The following UBE2E2 variants were observed in gnomAD, a reference collection of about 807,000 sequenced individuals.
The protein encoded by UBE2E2 is ubiquitin conjugating enzyme E2 E2.
A neutral mutation model predicts 24.7 loss-of-function variants in UBE2E2; 6 were observed. The ratio of observed to expected loss-of-function variants is 0.24; its 90% confidence interval spans 0.13 to 0.48. The LOEUF is 0.48. Among genes scored for constraint, UBE2E2 ranks in the 20% least tolerant of loss-of-function variants. UBE2E2 has a pLI of 0.99. For synonymous variants in UBE2E2, 104 were observed against 83.6 expected, an observed-to-expected ratio of 1.24 and a Z score of -1.33; for missense variants, 169 against 245.0, an observed-to-expected ratio of 0.69 and a Z score of 2.07.
rs113882182 is a variant in UBE2E2 at position 23,355,371 on chromosome 3, A to G, written c.227+138059A>G. On this transcript the variant is annotated intron_variant, in intron 3 of 5. Coordinates refer to ENST00000396703, the MANE Select transcript of UBE2E2 (RefSeq NM_152653.4). ...GCACATGTACCCTAAAACTTAAAGT[A>G]TAATAATAATGAAAGACAAAAAAGA... is the stretch of plus-strand genomic sequence containing the variant. Among the ~76,000 whole-genome samples the G allele has an allele frequency of 1.8e-3, 276 of 152,298 alleles. 1 individual carries two copies. Among genetic ancestry groups the G allele is most frequent in the Middle Eastern group, 3.4e-3 (1 of 294 alleles).
At chr3:23,205,640 A>G (rs190644736) in intron 1 of UBE2E2, among the ~76,000 whole-genome samples, 133 of 152,314 alleles carry the variant, frequency 8.7e-4, no homozygotes, top group South Asian at 5.8e-3. Flanking sequence ...GTGGTTATCA[A>G]TGGCCTCAGA....
intron 3 of UBE2E2, among the ~76,000 whole-genome samples, chr3:23,491,101 T>C (rs1699485099): frequency 6.6e-6 from 1 of 152,226 alleles, no homozygotes; most frequent in African/African-American, 2.4e-5. Context: ...GGGTCTTTTC[T>C]ATCAGCGCTA....
intron 5 of UBE2E2, among the ~76,000 whole-genome samples, chr3:23,584,358 T>G (rs183373479): frequency 5.9e-5 from 9 of 152,164 alleles, no homozygotes; most frequent in African/African-American, 7.2e-5. Context: ...CATCGATCCC[T>G]TTTAGTCTTG....
At chr3:23,375,770 A>C (rs1237239004) in intron 3 of UBE2E2, among the ~76,000 whole-genome samples, 2 of 152,186 alleles carry the variant, frequency 1.3e-5, no homozygotes, top group African/African-American at 4.8e-5. Context: ...TGCTCTAGAC[A>C]CTACAAAATT....
intron 3 of UBE2E2, among the ~76,000 whole-genome samples, chr3:23,269,800 C>A (rs1037366961): frequency 1.3e-5 from 2 of 152,062 alleles, no homozygotes; most frequent in African/African-American, 4.8e-5. Context: ...AGAAATCATA[C>A]AGGGAGGAAA....
chr3:23,350,554 G>A (rs9832340), intron 3 of UBE2E2, among the ~76,000 whole-genome samples: 208 of 152,336 alleles, frequency 1.4e-3, no homozygotes, highest in Middle Eastern at 0.01. Flanking sequence ...AGCTGATGGA[G>A]CTGAAAGCCA....
At position 23,355,325 on chromosome 3, in the gene UBE2E2, C is replaced by G. The variant is rs201268494; in HGVS notation, c.227+138013C>G. On this transcript the variant is annotated intron_variant, in intron 3 of 5. Coordinates refer to ENST00000396703, the MANE Select transcript of UBE2E2 (RefSeq NM_152653.4). ...AGCACACCAGCATGGCAAATGTATA[C>G]ATACGTAACCTGTACATTGTGCACA... 3.6e-4 allele frequency among the ~76,000 whole-genome samples: 55 copies of G among 152,080 alleles called. No homozygotes were observed. The East Asian group carries it at 9.5e-3, about 26-fold the overall frequency.
rs554195192 is a variant in UBE2E2, at chr3:23,447,048, G to A, written c.228-52560G>A. Among the ~76,000 whole-genome samples, 14 of 152,076 alleles carry A rather than the reference G, an allele frequency of 9.2e-5. 1 individual carries two copies. In the South Asian group the frequency reaches 2.9e-3, roughly 32 times the overall value. ...ATTTCATTCTCCCTGCTTTCCTTAGGTATTATCTGATTTCCCTGACTAGGT... is the reference window on the plus strand; with the variant it reads ...ATTTCATTCTCCCTGCTTTCCTTAGATATTATCTGATTTCCCTGACTAGGT... On this transcript the variant is annotated intron_variant, in intron 3 of 5. Coordinates refer to ENST00000396703, the MANE Select transcript of UBE2E2 (RefSeq NM_152653.4).
intron 3 of UBE2E2, among the ~76,000 whole-genome samples, chr3:23,237,017 T>C (rs533428878): frequency 6.6e-6 from 1 of 152,314 alleles, no homozygotes; most frequent in East Asian, 1.9e-4. Flanking sequence ...AGAGGCAGTA[T>C]TACACGGTGG....
At chr3:23,269,491 C>G (rs2125361322) in intron 3 of UBE2E2, among the ~76,000 whole-genome samples, 1 of 152,252 alleles carries the variant, frequency 6.6e-6, no homozygotes, top group South Asian at 2.1e-4. Flanking sequence ...ACTGTGTTAG[C>G]TGGGAAGGAT....
rs1222180710 is a variant in UBE2E2 at position 23,570,028 on chromosome 3, G to A, written c.509-19706G>A. 2.6e-5 allele frequency among the ~76,000 whole-genome samples: 4 copies of A among 152,040 alleles called. No homozygotes were observed. The East Asian group carries it at 5.8e-4, about 22-fold the overall frequency. Reference sequence around the variant, plus strand: ...CAGATCTTTTAGCACTCACTACTGCGGGTCACTTTCTCATTATTAGAAGGT... The same window carrying A: ...CAGATCTTTTAGCACTCACTACTGCAGGTCACTTTCTCATTATTAGAAGGT... On this transcript the variant is annotated intron_variant, in intron 5 of 5. Transcript: ENST00000396703.
intron 5 of UBE2E2, among the ~76,000 whole-genome samples, chr3:23,552,244 C>T (rs1195036368): frequency 2.6e-5 from 4 of 152,164 alleles, no homozygotes; most frequent in Non-Finnish European, 4.4e-5. Flanking sequence ...GTCCTAGCTA[C>T]TCGGAGGCCA....
chr3:23,268,005 A>C (rs1184443724), intron 3 of UBE2E2, among the ~76,000 whole-genome samples: 1 of 151,602 alleles, frequency 6.6e-6, no homozygotes, highest in East Asian at 1.9e-4. Context: ...AAATTCAACA[A>C]CTCTTCATGC....
intron 3 of UBE2E2, among the ~76,000 whole-genome samples, chr3:23,292,591 T>C (rs956962308): frequency 6.6e-6 from 1 of 152,188 alleles, no homozygotes; most frequent in African/African-American, 2.4e-5. Context: ...TTCTCAGTAC[T>C]TCATTAAAAT....
chr3:23,216,746 C>T (rs188767421), intron 2 of UBE2E2, among the ~76,000 whole-genome samples: 10 of 152,020 alleles, frequency 6.6e-5, no homozygotes, highest in East Asian at 3.9e-4. Context: ...TAGTTCTAGC[C>T]GATGAAATAG....
rs563029631 is a variant in UBE2E2, at chr3:23,382,023, T to G, written c.228-117585T>G. ...GCTACTTTCCCATCCAGGGGATTAT[T>G]CTCGCAACCCACTTTTTAAAACAGT... is the stretch of plus-strand genomic sequence containing the variant. On this transcript the variant is annotated intron_variant, in intron 3 of 5. Coordinates refer to ENST00000396703, the MANE Select transcript of UBE2E2 (RefSeq NM_152653.4). 3.2e-4 allele frequency among the ~76,000 whole-genome samples: 48 copies of G among 152,316 alleles called. No homozygotes were observed. In the East Asian group the frequency reaches 8.1e-3, roughly 26 times the overall value.
chr3:23,343,469 A>G (rs1469955543), intron 3 of UBE2E2, among the ~76,000 whole-genome samples: 1 of 152,102 alleles, frequency 6.6e-6, no homozygotes, highest in South Asian at 2.1e-4. Context: ...CCATCTACTC[A>G]GGAGGCTGAG....
At chr3:23,357,930 G>T (rs748106424) in intron 3 of UBE2E2, among the ~76,000 whole-genome samples, 2 of 152,164 alleles carry the variant, frequency 1.3e-5, no homozygotes, top group African/African-American at 4.8e-5. Flanking sequence ...CCTCGACCTC[G>T]TCAAGCGTGA....
chr3:23,352,817 T>G (rs148538682), intron 3 of UBE2E2, among the ~76,000 whole-genome samples: 3 of 152,210 alleles, frequency 2.0e-5, no homozygotes, highest in African/African-American at 7.2e-5. Context: ...AAGGAGGAAC[T>G]GGTACGATTC....
Sources: allele counts gnomAD v4.1 joint callset (sites outside exome capture counted in the v4.1 genomes callset), GRCh38; gene constraint gnomAD v4.1.1; transcripts MANE v1.5; gene names NCBI Gene and HGNC (gene_info 2026-07-23, HGNC 2026-07-21).